The following PKHD1 variants were observed in gnomAD, a reference collection of about 807,000 sequenced individuals.
PKHD1 encodes fibrocystin.
In PKHD1, 291 loss-of-function variants were observed where a neutral mutation model predicts 412.0. The ratio of observed to expected loss-of-function variants is 0.71; its 90% CI spans 0.64 to 0.78. PKHD1 has a LOEUF of 0.78. PKHD1 is among the 30% of genes least tolerant of loss of function. The probability of loss-of-function intolerance (pLI) is 0.00; values close to 1 mark genes in which losing one functional copy is unlikely to be tolerated. For synonymous variants in PKHD1, 1,777 were observed against 1,821.5 expected, an observed-to-expected ratio of 0.98 and a Z score of 0.62; for missense variants, 4,825 against 4,950.7, an observed-to-expected ratio of 0.97 and a Z score of 0.76.
At chr6:51,995,420 C>T (rs1056497181) in intron 35 of PKHD1, among the ~76,000 whole-genome samples, 1 of 152,248 alleles carries the variant, frequency 6.6e-6, no homozygotes, top group African/African-American at 2.4e-5. Flanking sequence ...TTTCTAGTAA[C>T]TGCCTTCCTG....
rs986988713 is a variant in PKHD1, at chr6:51,987,649, G to A, written c.5751+22660C>T. ...AAAATATAGCCTCAGAAACAGAAAGGTTAAATCAGACTGAATCTCCAGTCA... is the reference window on the plus strand; with the variant it reads ...AAAATATAGCCTCAGAAACAGAAAGATTAAATCAGACTGAATCTCCAGTCA... On this transcript the variant is annotated intron_variant, in intron 35 of 66. Coordinates refer to ENST00000371117, the MANE Select transcript of PKHD1 (RefSeq NM_138694.4). Among the ~76,000 whole-genome samples the A allele has an allele frequency of 2.0e-5, 3 of 151,696 alleles. No homozygotes were observed. In the East Asian group the frequency reaches 5.8e-4, roughly 29 times the overall value.
At chr6:51,635,105 TGTATTGTAGAGATGGG>T (rs1436856309) in intron 64 of PKHD1, among the ~76,000 whole-genome samples, 2 of 152,070 alleles carry the variant, frequency 1.3e-5, no homozygotes, top group African/African-American at 4.8e-5. Context: ...TTTTTGTTAA[TGTATTGTAGAGATGGG>T]GTATTGCTAT....
intron 45 of PKHD1, among the ~76,000 whole-genome samples, chr6:51,884,760 T>A (rs529659964): frequency 2.6e-5 from 4 of 152,260 alleles, no homozygotes; most frequent in Admixed American, 2.6e-4. Flanking sequence ...AGAACCAGGC[T>A]ACTCAAGAGC....
chr6:51,970,318 T>A (rs1452330239), intron 35 of PKHD1, among the ~76,000 whole-genome samples: 5 of 152,186 alleles, frequency 3.3e-5, no homozygotes, highest in East Asian at 3.8e-4. Flanking sequence ...TTTTATTGAG[T>A]TGTTTGAGCT....
At chr6:51,713,369 G>A (rs909939527) in intron 60 of PKHD1, among the ~76,000 whole-genome samples, 1 of 152,160 alleles carries the variant, frequency 6.6e-6, no homozygotes, top group African/African-American at 2.4e-5. Flanking sequence ...GCCTCAGGCT[G>A]GAAAATCTGT....
intron 35 of PKHD1, among the ~76,000 whole-genome samples, chr6:51,996,557 C>A (rs1797738738): frequency 6.6e-6 from 1 of 152,148 alleles, no homozygotes; most frequent in South Asian, 2.1e-4. Context: ...GTCCTGCGGG[C>A]CACTGAAGAT....
At chr6:51,722,627 T>G (rs1782066438) in intron 60 of PKHD1, among the ~76,000 whole-genome samples, 1 of 152,214 alleles carries the variant, frequency 6.6e-6, no homozygotes, top group African/African-American at 2.4e-5. Flanking sequence ...ATTGGAATAG[T>G]AGTAACTATT....
At chr6:52,023,913 G>A (rs1012144070) in intron 32 of PKHD1, among the ~76,000 whole-genome samples, 8 of 152,064 alleles carry the variant, frequency 5.3e-5, no homozygotes, top group South Asian at 4.1e-4. Flanking sequence ...TCTAAGAAAT[G>A]TCTTAGTTAG....
chr6:51,985,643 C>T (rs1036151061), intron 35 of PKHD1, among the ~76,000 whole-genome samples: 4 of 152,008 alleles, frequency 2.6e-5, no homozygotes, highest in African/African-American at 9.7e-5. Flanking sequence ...GCAGGAGAAT[C>T]GCTTGAACCC....
At chr6:51,653,805 T>C (rs1273091159) in intron 61 of PKHD1, among the ~76,000 whole-genome samples, 2 of 152,078 alleles carry the variant, frequency 1.3e-5, no homozygotes, top group African/African-American at 4.8e-5. Context: ...GTAAAATCAA[T>C]TATAAGCAAA....
chr6:51,741,072 T>C (rs770532895), intron 60 of PKHD1: 3 of 518,594 alleles, frequency 5.8e-6, no homozygotes, highest in Non-Finnish European at 1.2e-5. Flanking sequence ...AGTTTTACCA[T>C]TGAATCATGT....
chr6:51,857,893 G>A (rs1773541455), intron 48 of PKHD1, among the ~76,000 whole-genome samples: 1 of 152,194 alleles, frequency 6.6e-6, no homozygotes, highest in Non-Finnish European at 1.5e-5. Flanking sequence ...GGGCATTTGG[G>A]AATGAAAGAA....
chr6:51,842,984 A>T (rs1770505028), intron 50 of PKHD1, among the ~76,000 whole-genome samples: 1 of 152,236 alleles, frequency 6.6e-6, no homozygotes. Context: ...CTCCCTTTGA[A>T]GTGGAGCTGA....
At chr6:51,981,345 CCCTCT>C (rs1562046497) in intron 35 of PKHD1, among the ~76,000 whole-genome samples, 14 of 95,776 alleles carry the variant, frequency 1.5e-4, no homozygotes, top group Non-Finnish European at 1.8e-4. Flanking sequence ...CTCTCCCTCT[CCCTCT>C]CCCTCTCCCT....
At chr6:51,808,708 G>C (rs1368644785) in intron 52 of PKHD1, among the ~76,000 whole-genome samples, 1 of 151,998 alleles carries the variant, frequency 6.6e-6, no homozygotes, top group Non-Finnish European at 1.5e-5. Flanking sequence ...GATAGGTAAT[G>C]TTCCTTTCTC....
At chr6:51,870,357 T>A in intron 47 of PKHD1, 147 bp downstream of exon 47, 1 of 744,288 alleles carries the variant, frequency 1.3e-6, no homozygotes, top group Admixed American at 2.0e-5. Flanking sequence ...CTCCAGGATG[T>A]CTTTTAGGAG....
intron 60 of PKHD1, among the ~76,000 whole-genome samples, chr6:51,709,046 G>A (rs1189965630): frequency 1.3e-5 from 2 of 152,108 alleles, no homozygotes; most frequent in Admixed American, 6.5e-5. Flanking sequence ...GCTAACTCCT[G>A]CCTTAGATCA....
chr6:51,797,334 G>A (rs1239145384), intron 52 of PKHD1, among the ~76,000 whole-genome samples: 4 of 152,118 alleles, frequency 2.6e-5, no homozygotes, highest in Non-Finnish European at 5.9e-5. Flanking sequence ...CCAGAGTTGA[G>A]TTCTGGTCCT....
In PKHD1 at chr6:52,024,636, C is replaced by G. The variant is rs761046498; in HGVS notation, c.5174G>C (p.Trp1725Ser). 4.3e-6 allele frequency: 7 copies of G among 1,614,162 alleles called. No individual in the cohort carries two copies. In the East Asian group the frequency reaches 1.6e-4, roughly 36 times the overall value. Residue 1725 changes from tryptophan to serine, a missense_variant, in exon 32 of 67, where the codon TGG (tryptophan) becomes TCG (serine). Trp to Ser is a radical substitution (Grantham distance 177, BLOSUM62 -3). Coordinates refer to ENST00000371117, the MANE Select transcript of PKHD1 (RefSeq NM_138694.4). Reference protein sequence around the residue: ...HVRGYDCIRGWASSALVFTSR... With the variant: ...HVRGYDCIRGSASSALVFTSR... ...GGTGAACACCAGGGCAGATGAGGCC[C>G]ACCCTCTGATGCAGTCATAGCCTCT...
Sources: gnomAD v4.1 joint callset for allele counts (sites outside exome capture counted in the v4.1 genomes callset) on GRCh38, gnomAD v4.1.1 for gene constraint, MANE v1.5 for transcripts, NCBI Gene and HGNC (gene_info 2026-07-23, HGNC 2026-07-21) for gene names.